SMCHD1: variants seen among roughly 807,000 people sequenced by gnomAD.
The protein encoded by SMCHD1 is structural maintenance of chromosomes flexible hinge domain containing 1, also known as structural maintenance of chromosomes flexible hinge domain-containing protein 1.
SMCHD1 carries 78 observed loss-of-function variants against 254.7 expected under a neutral mutation model. The ratio of observed to expected loss-of-function variants is 0.31; its 90% CI spans 0.26 to 0.37. The LOEUF is 0.37. Ranked by LOEUF, SMCHD1 falls within the 10% of genes least tolerant of loss-of-function variation. The probability of loss-of-function intolerance (pLI) is 1.00; values close to 1 mark genes in which losing one functional copy is unlikely to be tolerated. For synonymous variants in SMCHD1, 766 were observed against 794.9 expected, an observed-to-expected ratio of 0.96 and a Z score of 0.61; for missense variants, 1,840 against 2,408.1, an observed-to-expected ratio of 0.76 and a Z score of 4.94.
Position 2,707,929 on chromosome 18 carries a change from A to G in SMCHD1, c.2260+9A>G. 1 of 1,470,238 alleles carries G rather than the reference A, an allele frequency of 6.8e-7. No individual in the cohort carries two copies. The highest frequency in any genetic ancestry group is 2.4e-5 in the East Asian group (1 of 42,534). 91.1% of individuals were successfully genotyped at this position (1,470,238 alleles called of 1,614,324 possible). A position where few individuals can be genotyped will look rare whatever the true frequency, so the allele number is the denominator to read the frequency against. On this transcript the variant is annotated intron_variant, in intron 17 of 47. Coordinates refer to ENST00000320876, the MANE Select transcript of SMCHD1 (RefSeq NM_015295.3). ...CAAAGTTATTTTACATTGTAAGTAT[A>G]CAAACTAATTTAGATCTTTAATATT...
intron 25 of SMCHD1, among the ~76,000 whole-genome samples, chr18:2,736,181 G>A (rs1342195027): frequency 2.0e-5 from 3 of 152,186 alleles, no homozygotes; most frequent in Non-Finnish European, 4.4e-5. Context: ...TCAATAAATG[G>A]TGCCGGGATA....
chr18:2,795,090 C>T (rs1377056463), intron 45 of SMCHD1, among the ~76,000 whole-genome samples: 2 of 150,620 alleles, frequency 1.3e-5, no homozygotes, highest in African/African-American at 2.4e-5. Context: ...GACGGAGTCT[C>T]GCTCTGTCAC....
chr18:2,703,104 A>C (rs1324301528), intron 12 of SMCHD1, among the ~76,000 whole-genome samples: 2 of 152,230 alleles, frequency 1.3e-5, no homozygotes, highest in African/African-American at 4.8e-5. Flanking sequence ...TATATATAAA[A>C]GAGAAAATTA....
chr18:2,751,969 G>A (rs927803230), intron 33 of SMCHD1, among the ~76,000 whole-genome samples: 1 of 152,024 alleles, frequency 6.6e-6, no homozygotes, highest in Non-Finnish European at 1.5e-5. Flanking sequence ...ATGAAATTTG[G>A]TGTTTATTTT....
At position 2,743,915 on chromosome 18, in the gene SMCHD1, C is replaced by T. The variant is rs2143570854; in HGVS notation, c.3788C>T (p.Pro1263Leu). 2 of 1,610,324 alleles carry T rather than the reference C, an allele frequency of 1.2e-6. No homozygotes were observed. The highest frequency in any genetic ancestry group is 1.7e-6 in the Non-Finnish European group (2 of 1,178,276). ...GCTAAACTTCTCCTTATAGACTGGC[C>T]AGAACTAAAGGAGGTAAGTCACTTC... Reference protein sequence around the residue: ...PPAKLLLIDWPELKESIPVIN... With the variant: ...PPAKLLLIDWLELKESIPVIN... The change falls in exon 29 of 48, where the codon CCA becomes CTA. Residue 1263 changes from proline to leucine, a missense_variant. Around this residue, in one of 9 missense-constraint regions of SMCHD1, gnomAD observed 881 missense variants for 1,009.5 expected, o/e 0.87. Coordinates refer to ENST00000320876, the MANE Select transcript of SMCHD1 (RefSeq NM_015295.3).
At chr18:2,696,550 T>C (rs1005990868) in intron 8 of SMCHD1, among the ~76,000 whole-genome samples, 2 of 152,250 alleles carry the variant, frequency 1.3e-5, no homozygotes, top group African/African-American at 4.8e-5. Flanking sequence ...TCCATGAAAC[T>C]GGTTTTGGTG....
intron 1 of SMCHD1, among the ~76,000 whole-genome samples, chr18:2,664,084 T>C (rs898746914): frequency 2.0e-5 from 3 of 152,184 alleles, no homozygotes; most frequent in Admixed American, 6.5e-5. Flanking sequence ...AATCATGTTA[T>C]GAACCCCAGT....
rs117852650 is a variant in SMCHD1 at position 2,725,707 on chromosome 18, A to C, written c.2700+712A>C. Among the ~76,000 whole-genome samples the C allele has an allele frequency of 9.0e-3, 1,375 of 151,980 alleles. 14 individuals carry two copies. Among genetic ancestry groups the C allele is most frequent in the Non-Finnish European group, 0.015 (1,036 of 67,788 alleles). On this transcript the variant is annotated intron_variant, in intron 21 of 47. Coordinates refer to ENST00000320876, the MANE Select transcript of SMCHD1 (RefSeq NM_015295.3). ...TTTCAAGTACTATATGCTGCTTTGTATAATCAAGTCAAAAATTGAGTTCTT... is the reference window on the plus strand; with the variant it reads ...TTTCAAGTACTATATGCTGCTTTGTCTAATCAAGTCAAAAATTGAGTTCTT...
At chr18:2,738,690 A>T (rs2075295708) in intron 26 of SMCHD1, 145 bp downstream of exon 26, 1 of 771,244 alleles carries the variant, frequency 1.3e-6, no homozygotes, top group African/African-American at 1.8e-5. Flanking sequence ...GTCATTGGTG[A>T]TAGCGATTAA....
chr18:2,694,932 A>G (rs2143122409), intron 8 of SMCHD1, among the ~76,000 whole-genome samples: 1 of 152,336 alleles, frequency 6.6e-6, no homozygotes, highest in Non-Finnish European at 1.5e-5. Context: ...GATTTTGACA[A>G]TATTATAAAA....
intron 7 of SMCHD1, 26 bp downstream of exon 7, chr18:2,688,773 A>G (rs2143052453): frequency 2.5e-6 from 3 of 1,221,580 alleles, no homozygotes; most frequent in Non-Finnish European, 3.4e-6. Context: ...ACTCATAATT[A>G]TAAATTTACT....
intron 44 of SMCHD1, among the ~76,000 whole-genome samples, chr18:2,779,785 T>G (rs2076124440): frequency 1.3e-5 from 2 of 152,142 alleles, no homozygotes; most frequent in African/African-American, 4.8e-5. Context: ...TGCCTATGAA[T>G]AGCCACTGCA....
chr18:2,771,590 A>G lies in SMCHD1; in HGVS notation c.5024A>G (p.His1675Arg), dbSNP rs201071071. ...CAATTGCGAAATGAACTAAAAATAC[A>G]TAATATTGACATTCCTACAACACAA... is the stretch of plus-strand genomic sequence containing the variant. The part of the protein sequence containing the change: ...EAQLRNELKI[H>R]NIDIPTTQQV... Residue 1675 changes from histidine (H) to arginine (R), a missense_variant, in exon 40 of 48, where the codon CAT (histidine) becomes CGT (arginine). Coordinates refer to ENST00000320876, the MANE Select transcript of SMCHD1 (RefSeq NM_015295.3). The G allele has an allele frequency of 6.9e-5, 108 of 1,569,528 alleles. No individual in the cohort carries two copies. In the African/African-American group the frequency reaches 1.3e-3, roughly 18 times the overall value.
At position 2,777,130 on chromosome 18, in the gene SMCHD1, G is replaced by C. The variant is rs527733151; in HGVS notation, c.5367-676G>C. On this transcript the variant is annotated intron_variant, in intron 42 of 47. Transcript: ENST00000320876. The stretch of plus-strand genomic sequence containing the variant: ...TCTCCAGGAGGGCTTCTTTATCTCT[G>C]TAATCCCTGGAGACTAAGTTAAGGA... 2.5e-4 allele frequency among the ~76,000 whole-genome samples: 37 copies of C among 147,874 alleles called. No homozygotes were observed. The South Asian group carries it at 7.5e-3, about 30-fold the overall frequency.
chr18:2,726,567 T>G lies in SMCHD1; in HGVS notation c.2773+43T>G, dbSNP rs976010068. On this transcript the variant is annotated intron_variant, in intron 22 of 47. Coordinates refer to ENST00000320876, the MANE Select transcript of SMCHD1 (RefSeq NM_015295.3). Reference sequence around the variant, plus strand: ...AATATAATTATTTAAAATAATTTTCTTATGTTAAAGTATAATGATATGAAG... The same window carrying G: ...AATATAATTATTTAAAATAATTTTCGTATGTTAAAGTATAATGATATGAAG... 3 of 1,024,104 alleles carry G rather than the reference T, an allele frequency of 2.9e-6. No individual in the cohort carries two copies. The African/African-American group carries it at 5.0e-5, about 17-fold the overall frequency. The allele number at this position is 1,024,104 out of a possible 1,614,324, so 63.4% of individuals were successfully genotyped here.
At chr18:2,693,920 C>G (rs1238959313) in intron 7 of SMCHD1, among the ~76,000 whole-genome samples, 2 of 152,178 alleles carry the variant, frequency 1.3e-5, no homozygotes, top group African/African-American at 4.8e-5. Context: ...AGTGAGCTAC[C>G]ACGCCCGGCC....
In SMCHD1 at chr18:2,781,647, A is replaced by C. The variant is rs149452354; in HGVS notation, c.5548-2803A>C. ...TGATTAATATAGTTCAAAAAATGAAAGTGTTGAAAATAAGAAAAGAATAAG... is the reference window on the plus strand; with the variant it reads ...TGATTAATATAGTTCAAAAAATGAACGTGTTGAAAATAAGAAAAGAATAAG... On this transcript the variant is annotated intron_variant, in intron 44 of 47. Coordinates refer to ENST00000320876, the MANE Select transcript of SMCHD1 (RefSeq NM_015295.3). Among the ~76,000 whole-genome samples the C allele has an allele frequency of 2.4e-3, 368 of 152,318 alleles. 5 individuals are homozygous for C. The East Asian group carries it at 0.035, about 14-fold the overall frequency.
intron 3 of SMCHD1, among the ~76,000 whole-genome samples, chr18:2,672,817 T>G (rs1412370343): frequency 1.3e-5 from 2 of 152,198 alleles, no homozygotes; most frequent in East Asian, 3.8e-4. Context: ...CCAAATTAGC[T>G]TTCAAGAGAC....
intron 34 of SMCHD1, among the ~76,000 whole-genome samples, chr18:2,756,906 G>T (rs1219779377): frequency 6.6e-6 from 1 of 152,044 alleles, no homozygotes; most frequent in East Asian, 1.9e-4. Flanking sequence ...GACACTATTT[G>T]TACTCTCTTG....
Sources: allele counts gnomAD v4.1 joint callset (sites outside exome capture counted in the v4.1 genomes callset), GRCh38; gene constraint gnomAD v4.1.1; regional missense constraint gnomAD v4.1.1; transcripts MANE v1.5; gene names NCBI Gene and HGNC (gene_info 2026-07-23, HGNC 2026-07-21).